Variants in ZBTB20 observed in about 807,000 individuals in gnomAD.
ZBTB20 encodes zinc finger and BTB domain containing 20.
ZBTB20 carries 9 observed loss-of-function variants against 56.9 expected under a neutral mutation model. That is an observed-to-expected ratio of 0.16 (90% CI 0.10 to 0.28). ZBTB20 has a LOEUF of 0.28. Ranked by LOEUF, ZBTB20 falls within the 10% of genes least tolerant of loss-of-function variation. The pLI is 1.00. For synonymous variants in ZBTB20, 417 were observed against 420.7 expected (o/e 0.99, Z 0.11); for missense variants, 655 against 1,003.0 (o/e 0.65, Z 4.69).
chr3:114,803,779 GTT>G (rs34171249), intron 4 of ZBTB20, among the ~76,000 whole-genome samples: 21,487 of 144,156 alleles, frequency 0.15, 2,053 homozygotes, highest in African/African-American at 0.27. Context: ...TCAACTTTCT[GTT>G]TTTTTTTTTT....
At chr3:114,858,517 C>T (rs567986037) in intron 4 of ZBTB20, among the ~76,000 whole-genome samples, 61 of 150,512 alleles carry the variant, frequency 4.1e-4, no homozygotes, top group South Asian at 1.7e-3. Flanking sequence ...TCTACTTGTG[C>T]GTGTATTCGT....
At chr3:114,685,647 T>C (rs1578334991) in intron 6 of ZBTB20, among the ~76,000 whole-genome samples, 2 of 152,200 alleles carry the variant, frequency 1.3e-5, no homozygotes, top group Admixed American at 6.5e-5. Context: ...TAATTTCTGA[T>C]GGTGTTAATT....
At chr3:114,508,974 A>G (rs1249167878) in intron 6 of ZBTB20, among the ~76,000 whole-genome samples, 1 of 152,140 alleles carries the variant, frequency 6.6e-6, no homozygotes, top group Non-Finnish European at 1.5e-5. Flanking sequence ...AACTTTGACA[A>G]CCTAACTAGG....
At chr3:114,514,484 C>T (rs914688243) in intron 6 of ZBTB20, among the ~76,000 whole-genome samples, 1 of 152,170 alleles carries the variant, frequency 6.6e-6, no homozygotes, top group Non-Finnish European at 1.5e-5. Context: ...GAGAGAGACA[C>T]CCAGGTTCAT....
At chr3:114,707,200 A>G (rs2063769121) in intron 5 of ZBTB20, among the ~76,000 whole-genome samples, 1 of 152,188 alleles carries the variant, frequency 6.6e-6, no homozygotes, top group Non-Finnish European at 1.5e-5. Flanking sequence ...TATGTCATTT[A>G]TAATGCATTT....
Position 114,351,499 on chromosome 3 carries a change from C to A in ZBTB20, c.579G>T (p.Val193=), listed in dbSNP as rs2080671243. 6.2e-7 allele frequency: 1 copy of A among 1,613,900 alleles called. No individual in the cohort carries two copies. Among genetic ancestry groups the A allele is most frequent in the Non-Finnish European group, 8.5e-7 (1 of 1,180,048 alleles). Residue 193 remains valine, a synonymous_variant, in exon 11 of 12, where the codon GTG becomes GTT. Coordinates refer to ENST00000675478, the MANE Select transcript of ZBTB20 (RefSeq NM_001348800.3). ...GGAACACATCGCCCACGTTCTGTGA[C>A]ACGATGCGCGTGCACTCGTCGATGA... ...KTVIDECTRI[V]SQNVGDVFPG... is the part of the protein sequence containing the mutation.
At chr3:114,862,909 T>C (rs530359355) in intron 4 of ZBTB20, among the ~76,000 whole-genome samples, 13 of 152,306 alleles carry the variant, frequency 8.5e-5, no homozygotes, top group African/African-American at 3.1e-4. Context: ...AGTTCATTTA[T>C]TCAACAATTA....
Position 114,822,848 on chromosome 3 carries a change from A to G in ZBTB20, c.-416-21674T>C, listed in dbSNP as rs556538234. Among the ~76,000 whole-genome samples, 5 of 152,182 alleles carry G rather than the reference A, an allele frequency of 3.3e-5. No homozygotes were observed. The South Asian group carries it at 1.0e-3, about 32-fold the overall frequency. On this transcript the variant is annotated intron_variant, in intron 4 of 11. Coordinates refer to ENST00000675478, the MANE Select transcript of ZBTB20 (RefSeq NM_001348800.3). ...TCTACAAGTAGAATCAGATCCTTTT[A>G]ATACCATGGGAAAAAGTTTCAGTCA...
chr3:114,881,094 T>G (rs1044604013), intron 4 of ZBTB20, among the ~76,000 whole-genome samples: 3 of 152,118 alleles, frequency 2.0e-5, no homozygotes, highest in Admixed American at 6.5e-5. Context: ...ACATTTCACC[T>G]ATATTTACTT....
chr3:114,959,734 C>T (rs1202259645), intron 3 of ZBTB20, among the ~76,000 whole-genome samples: 1 of 150,770 alleles, frequency 6.6e-6, no homozygotes, highest in East Asian at 1.9e-4. Flanking sequence ...CACACACACA[C>T]ACACACACAC....
At chr3:115,043,130 C>A (rs1466976642) in intron 2 of ZBTB20, among the ~76,000 whole-genome samples, 1 of 152,030 alleles carries the variant, frequency 6.6e-6, no homozygotes, top group East Asian at 1.9e-4. Context: ...TTGCTTCTAC[C>A]CATAAAATGT....
At chr3:114,544,396 A>T (rs2049475147) in intron 6 of ZBTB20, among the ~76,000 whole-genome samples, 1 of 150,228 alleles carries the variant, frequency 6.7e-6, no homozygotes, top group Non-Finnish European at 1.5e-5. Flanking sequence ...CACTCTTAAA[A>T]ACTAGATTTC....
chr3:114,480,781 A>T (rs181903917), intron 7 of ZBTB20, among the ~76,000 whole-genome samples: 11 of 152,300 alleles, frequency 7.2e-5, no homozygotes, highest in Non-Finnish European at 1.5e-4. Context: ...GATGTCAGCA[A>T]AGAGGCAAAG....
intron 5 of ZBTB20, among the ~76,000 whole-genome samples, chr3:114,717,437 C>A (rs1411081397): frequency 6.6e-6 from 1 of 152,054 alleles, no homozygotes; most frequent in Non-Finnish European, 1.5e-5. Context: ...GAGCCAGTCC[C>A]TTTTACATTT....
chr3:115,083,541 T>TTA (rs909866424), intron 1 of ZBTB20, among the ~76,000 whole-genome samples: 1 of 152,060 alleles, frequency 6.6e-6, no homozygotes, highest in African/African-American at 2.4e-5. Flanking sequence ...CCTAAGAGTA[T>TTA]TATACTTTTT....
chr3:114,701,923 A>G (rs999244070), intron 5 of ZBTB20, among the ~76,000 whole-genome samples: 2 of 152,222 alleles, frequency 1.3e-5, no homozygotes, highest in Admixed American at 1.3e-4. Context: ...GTTTTGTCTT[A>G]GATAAGAAAA....
chr3:114,687,947 T>C (rs1322644236), intron 6 of ZBTB20: 1 of 152,062 alleles, frequency 6.6e-6, no homozygotes, highest in African/African-American at 2.4e-5. Flanking sequence ...GTCTTCTTAG[T>C]GGCCGGGCGC....
chr3:114,950,933 C>G (rs1300092502), intron 3 of ZBTB20, among the ~76,000 whole-genome samples: 1 of 151,944 alleles, frequency 6.6e-6, no homozygotes. Flanking sequence ...CACAAGAAGC[C>G]ACATACAGAA....
chr3:114,387,342 T>C (rs1278278287), intron 8 of ZBTB20: 1 of 152,224 alleles, frequency 6.6e-6, no homozygotes, highest in East Asian at 1.9e-4. Flanking sequence ...ATTATTATTA[T>C]TTCTCTTTTA....
Sources: allele counts gnomAD v4.1 joint callset (sites outside exome capture counted in the v4.1 genomes callset), GRCh38; gene constraint gnomAD v4.1.1; transcripts MANE v1.5; gene names NCBI Gene and HGNC (gene_info 2026-07-23, HGNC 2026-07-21).